The following RREB1 variants were observed in gnomAD, a reference collection of about 807,000 sequenced individuals.
RREB1 encodes ras-responsive element-binding protein 1.
RREB1 carries 27 observed loss-of-function variants against 117.8 expected under a neutral mutation model. The ratio of observed to expected loss-of-function variants is 0.23; its 90% CI spans 0.17 to 0.32. The LOEUF (loss-of-function observed/expected upper bound fraction) is 0.32. Among genes scored for constraint, RREB1 ranks in the 10% least tolerant of loss-of-function variants. RREB1 has a pLI of 1.00. For synonymous variants in RREB1, 1,298 were observed against 1,026.7 expected, an observed-to-expected ratio of 1.26 and a Z score of -5.05; for missense variants, 2,577 against 2,378.2, an observed-to-expected ratio of 1.08 and a Z score of -1.74.
chr6:7,185,705 T>C (rs1765049631), intron 4 of RREB1, among the ~76,000 whole-genome samples: 1 of 152,196 alleles, frequency 6.6e-6, no homozygotes, highest in Non-Finnish European at 1.5e-5. Context: ...GCCATTTGCT[T>C]TTATAGTCTT....
chr6:7,111,781 T>G (rs981091047), intron 1 of RREB1, among the ~76,000 whole-genome samples: 1 of 152,230 alleles, frequency 6.6e-6, no homozygotes, highest in African/African-American at 2.4e-5. Flanking sequence ...GGTGGACTTC[T>G]TGACTATTAC....
At chr6:7,206,376 C>T (rs970745030) in intron 6 of RREB1, among the ~76,000 whole-genome samples, 10 of 152,172 alleles carry the variant, frequency 6.6e-5, no homozygotes, top group Non-Finnish European at 1.2e-4. Flanking sequence ...GGAACCTGAG[C>T]GTGTATGTCA....
intron 8 of RREB1, among the ~76,000 whole-genome samples, chr6:7,221,637 T>G (rs1322326746): frequency 6.6e-6 from 1 of 152,140 alleles, no homozygotes. Flanking sequence ...GTGGATCACC[T>G]TGCTTAGACT....
At chr6:7,171,338 A>T (rs1201677827) in intron 1 of RREB1, among the ~76,000 whole-genome samples, 2 of 152,086 alleles carry the variant, frequency 1.3e-5, no homozygotes, top group Non-Finnish European at 2.9e-5. Context: ...TCCTGCCTTG[A>T]CGGGGACGGA....
rs963095454 is a variant in RREB1 at position 7,250,275 on chromosome 6, G to A, written c.*1307G>A. On this transcript the variant is annotated 3_prime_UTR_variant, in exon 13 of 13. Transcript: ENST00000379938. Reference sequence around the variant, plus strand: ...GCAAAGCAAGGAAATACTACTACTGGTAATAAAACTACACATGCAAGATGT... The same window carrying A: ...GCAAAGCAAGGAAATACTACTACTGATAATAAAACTACACATGCAAGATGT... The A allele has an allele frequency of 6.6e-6, 1 of 152,120 alleles. No individual in the cohort carries two copies. The allele number at this position is 152,120 out of a possible 1,614,324, so 9.4% of individuals were successfully genotyped here.
At chr6:7,244,262 CAAA>C (rs560699173) in intron 11 of RREB1, among the ~76,000 whole-genome samples, 2 of 108,358 alleles carry the variant, frequency 1.8e-5, no homozygotes, top group Admixed American at 1.0e-4. Context: ...GACTCCATCT[CAAA>C]AAAAAAAAAA....
intron 1 of RREB1, among the ~76,000 whole-genome samples, chr6:7,148,828 T>C (rs1260197177): frequency 1.3e-5 from 2 of 152,206 alleles, no homozygotes; most frequent in Admixed American, 6.5e-5. Context: ...TAGTCAGACA[T>C]ATACTAAAAT....
At chr6:7,183,418 G>C (rs1764908169) in intron 4 of RREB1, 1 of 152,252 alleles carries the variant, frequency 6.6e-6, no homozygotes, top group African/African-American at 2.4e-5. Flanking sequence ...GCTAGCTACT[G>C]TACCAGGTGC....
intron 1 of RREB1, among the ~76,000 whole-genome samples, chr6:7,112,169 G>A (rs1761178690): frequency 6.6e-6 from 1 of 152,168 alleles, no homozygotes; most frequent in African/African-American, 2.4e-5. Flanking sequence ...ATCTTTGGAA[G>A]GACTGGCCAA....
At chr6:7,187,010 C>A (rs184604589) in intron 4 of RREB1, among the ~76,000 whole-genome samples, 10 of 152,276 alleles carry the variant, frequency 6.6e-5, no homozygotes, top group Non-Finnish European at 1.0e-4. Flanking sequence ...TTCTTGGAGA[C>A]CCTGAAACCT....
chr6:7,231,846 C>T lies in RREB1; in HGVS notation c.3747C>T (p.Pro1249=). ...YTNCLQKITC[P]HCPRVFPWAS... Reference sequence around the variant, plus strand: ...ACTGCCTGCAGAAGATCACCTGTCCCCACTGTCCCCGGGTTTTCCCTTGGG... The same window carrying T: ...ACTGCCTGCAGAAGATCACCTGTCCTCACTGTCCCCGGGTTTTCCCTTGGG... Residue 1249 remains proline, a synonymous_variant, in exon 10 of 13, where the codon CCC becomes CCT. Coordinates refer to ENST00000379938, the MANE Select transcript of RREB1 (RefSeq NM_001003699.4). The T allele has an allele frequency of 1.9e-6, 3 of 1,613,584 alleles. No individual in the cohort carries two copies. Among genetic ancestry groups the T allele is most frequent in the Non-Finnish European group, 8.5e-7 (1 of 1,179,958 alleles).
At chr6:7,142,358 AC>A (rs1762642114) in intron 1 of RREB1, among the ~76,000 whole-genome samples, 1 of 151,354 alleles carries the variant, frequency 6.6e-6, no homozygotes, top group African/African-American at 2.4e-5. Flanking sequence ...TGCCCTCGGC[AC>A]CACCGGGTGC....
intron 8 of RREB1, chr6:7,218,336 ATC>A (rs1230564897): frequency 6.6e-6 from 1 of 152,234 alleles, no homozygotes; most frequent in Non-Finnish European, 1.5e-5. Flanking sequence ...GTGGTTTCTC[ATC>A]TCTGGGCCAC....
intron 1 of RREB1, among the ~76,000 whole-genome samples, chr6:7,171,789 G>A (rs2113498236): frequency 6.6e-6 from 1 of 152,290 alleles, no homozygotes; most frequent in Non-Finnish European, 1.5e-5. Context: ...ATGGCCATGA[G>A]GGATGAGGTC....
At chr6:7,120,934 CT>C (rs1761653203) in intron 1 of RREB1, among the ~76,000 whole-genome samples, 1 of 151,584 alleles carries the variant, frequency 6.6e-6, no homozygotes, top group South Asian at 2.1e-4. Context: ...ATTCTCCCTC[CT>C]GCCTCAGCCT....
intron 11 of RREB1, among the ~76,000 whole-genome samples, chr6:7,244,454 G>C (rs1768894111): frequency 6.6e-6 from 1 of 151,988 alleles, no homozygotes. Context: ...TGAGCGTTCT[G>C]TATTTTTATT....
chr6:7,233,052 T>C (rs1045938215), intron 10 of RREB1, among the ~76,000 whole-genome samples: 2 of 152,150 alleles, frequency 1.3e-5, no homozygotes, highest in African/African-American at 4.8e-5. Flanking sequence ...TGCGCCACCA[T>C]GCCCAGCTAA....
chr6:7,141,552 C>T (rs1198541778), intron 1 of RREB1, among the ~76,000 whole-genome samples: 1 of 152,230 alleles, frequency 6.6e-6, no homozygotes. Flanking sequence ...TAGACATGAG[C>T]ATGCCCACTC....
At chr6:7,125,021 C>T (rs1390855350) in intron 1 of RREB1, among the ~76,000 whole-genome samples, 1 of 152,214 alleles carries the variant, frequency 6.6e-6, no homozygotes, top group African/African-American at 2.4e-5. Context: ...GAGGGGAAAA[C>T]TGTTCTGGCT....
Sources: gnomAD v4.1 joint callset for allele counts (sites outside exome capture counted in the v4.1 genomes callset) on GRCh38, gnomAD v4.1.1 for gene constraint, MANE v1.5 for transcripts, NCBI Gene and HGNC (gene_info 2026-07-23, HGNC 2026-07-21) for gene names.